Variants in TSHZ2 observed in about 807,000 individuals in gnomAD.
The protein encoded by TSHZ2 is teashirt zinc finger homeobox 2.
TSHZ2 carries 21 observed loss-of-function variants against 74.4 expected under a neutral mutation model. The observed-to-expected ratio is 0.28, with a 90% CI of 0.20 to 0.41. The LOEUF is 0.41. Among genes scored for constraint, TSHZ2 ranks in the 10% least tolerant of loss-of-function variants. The pLI is 1.00. For missense variants in TSHZ2, 1,244 were observed against 1,293.5 expected (o/e 0.96, Z 0.59); for synonymous variants, 540 against 515.3 (o/e 1.05, Z -0.65).
At chr20:53,204,433 T>C (rs1440952888) in intron 1 of TSHZ2, among the ~76,000 whole-genome samples, 1 of 151,082 alleles carries the variant, frequency 6.6e-6, no homozygotes, top group African/African-American at 2.4e-5. Context: ...TATTATATCA[T>C]AATATGATAT....
At chr20:53,341,625 G>A (rs549429717) in intron 2 of TSHZ2, among the ~76,000 whole-genome samples, 5 of 151,698 alleles carry the variant, frequency 3.3e-5, no homozygotes, top group Admixed American at 6.6e-5. Flanking sequence ...ATACCCGGCC[G>A]AATTATCTCT....
At chr20:53,161,129 G>GAAAAAAA (rs1470010170) in intron 1 of TSHZ2, among the ~76,000 whole-genome samples, 3 of 20,022 alleles carry the variant, frequency 1.5e-4, no homozygotes, top group African/African-American at 6.8e-4. Context: ...GTTATTTTCA[G>GAAAAAAA]CAAAAAAAAA....
rs146033207 is a variant in TSHZ2 at position 53,388,644 on chromosome 20, C to A, written c.*9-98500C>A. ...AGTCTTGCTCTGTTGCCCAGGCGACCTTGGCTCACTGCAACCTCTGCCTCC... is the reference window on the plus strand; with the variant it reads ...AGTCTTGCTCTGTTGCCCAGGCGACATTGGCTCACTGCAACCTCTGCCTCC... On this transcript the variant is annotated intron_variant, in intron 2 of 2. Coordinates refer to ENST00000371497, the MANE Select transcript of TSHZ2 (RefSeq NM_173485.6). 1.9e-3 allele frequency among the ~76,000 whole-genome samples: 280 copies of A among 149,650 alleles called. 2 individuals are homozygous for A. The highest frequency in any genetic ancestry group is 6.6e-3 in the African/African-American group (269 of 40,504).
intron 2 of TSHZ2, among the ~76,000 whole-genome samples, chr20:53,382,735 A>G (rs1229649049): frequency 6.6e-6 from 1 of 152,194 alleles, no homozygotes; most frequent in Non-Finnish European, 1.5e-5. Flanking sequence ...TCTGAAGATG[A>G]ATTAATAGTA....
chr20:53,132,589 A>AT (rs1218961239), intron 1 of TSHZ2, among the ~76,000 whole-genome samples: 2 of 151,672 alleles, frequency 1.3e-5, no homozygotes, highest in Non-Finnish European at 2.9e-5. Context: ...CCTGCCCATA[A>AT]TTTTTTTTGT....
intron 2 of TSHZ2, among the ~76,000 whole-genome samples, chr20:53,459,368 C>G (rs918261779): frequency 6.6e-5 from 10 of 152,028 alleles, no homozygotes; most frequent in African/African-American, 1.9e-4. Context: ...TATCAGAGAC[C>G]AGGATTGCAA....
intron 2 of TSHZ2, among the ~76,000 whole-genome samples, chr20:53,456,109 A>T (rs1045490451): frequency 4.0e-5 from 6 of 151,886 alleles, no homozygotes; most frequent in African/African-American, 1.4e-4. Context: ...TGGTATTTCT[A>T]GTTCTAGATC....
chr20:53,138,068 T>C (rs1178059065), intron 1 of TSHZ2, among the ~76,000 whole-genome samples: 1 of 152,174 alleles, frequency 6.6e-6, no homozygotes, highest in Non-Finnish European at 1.5e-5. Flanking sequence ...CCAAACTCCT[T>C]AGCCCAGCAT....
intron 1 of TSHZ2, among the ~76,000 whole-genome samples, chr20:53,140,078 A>G (rs1442087875): frequency 6.6e-6 from 1 of 152,104 alleles, no homozygotes; most frequent in Non-Finnish European, 1.5e-5. Flanking sequence ...CTAGGCTCTC[A>G]GTGCACAGTG....
intron 2 of TSHZ2, among the ~76,000 whole-genome samples, chr20:53,375,746 G>A (rs1981635918): frequency 6.6e-6 from 1 of 152,072 alleles, no homozygotes; most frequent in African/African-American, 2.4e-5. Context: ...AGAACTACTG[G>A]GAAACATTCT....
intron 2 of TSHZ2, among the ~76,000 whole-genome samples, chr20:53,449,898 T>G (rs551709874): frequency 6.6e-6 from 1 of 152,196 alleles, no homozygotes; most frequent in Non-Finnish European, 1.5e-5. Flanking sequence ...ATCTACTTTT[T>G]GTTATGTGCT....
intron 1 of TSHZ2, among the ~76,000 whole-genome samples, chr20:53,003,538 G>A (rs961051958): frequency 2.6e-5 from 4 of 152,172 alleles, no homozygotes; most frequent in African/African-American, 9.7e-5. Context: ...TTCCAGAAGA[G>A]TTTCTTCATT....
At chr20:53,341,013 A>G (rs754345076) in intron 2 of TSHZ2, among the ~76,000 whole-genome samples, 1 of 152,160 alleles carries the variant, frequency 6.6e-6, no homozygotes, top group African/African-American at 2.4e-5. Context: ...TTACTGTTGT[A>G]TAAGTTTTAG....
At chr20:53,308,882 T>C (rs1289334934) in intron 2 of TSHZ2, among the ~76,000 whole-genome samples, 1 of 152,186 alleles carries the variant, frequency 6.6e-6, no homozygotes, top group Non-Finnish European at 1.5e-5. Flanking sequence ...CTGGGAGGGC[T>C]TCATGGTTTG....
At chr20:53,427,845 T>C (rs1026130008) in intron 2 of TSHZ2, among the ~76,000 whole-genome samples, 2 of 152,156 alleles carry the variant, frequency 1.3e-5, no homozygotes, top group Admixed American at 6.5e-5. Context: ...AAGAAAGGGA[T>C]GGAAGGCCTA....
At chr20:53,181,319 A>AG (rs1369027212) in intron 1 of TSHZ2, among the ~76,000 whole-genome samples, 5 of 152,176 alleles carry the variant, frequency 3.3e-5, no homozygotes, top group Admixed American at 3.3e-4. Flanking sequence ...TTTTTCACAA[A>AG]GGTACCCCAG....
intron 1 of TSHZ2, among the ~76,000 whole-genome samples, chr20:53,064,729 G>A (rs553959972): frequency 3.9e-4 from 59 of 151,812 alleles, no homozygotes; most frequent in African/African-American, 1.1e-3. Context: ...GCCTTTTCTC[G>A]TCAGTTTTAT....
chr20:53,003,608 C>G (rs1982525050), intron 1 of TSHZ2, among the ~76,000 whole-genome samples: 1 of 152,156 alleles, frequency 6.6e-6, no homozygotes, highest in African/African-American at 2.4e-5. Flanking sequence ...TGGTCAATCA[C>G]TAGTTGGCAG....
At chr20:53,118,355 G>A (rs1383630752) in intron 1 of TSHZ2, among the ~76,000 whole-genome samples, 4 of 152,200 alleles carry the variant, frequency 2.6e-5, no homozygotes, top group African/African-American at 9.7e-5. Context: ...GAGGTCCACT[G>A]AAAGCAGAGC....
Sources: gnomAD v4.1 joint callset for allele counts (sites outside exome capture counted in the v4.1 genomes callset) on GRCh38, gnomAD v4.1.1 for gene constraint, MANE v1.5 for transcripts, NCBI Gene and HGNC (gene_info 2026-07-23, HGNC 2026-07-21) for gene names.